Variants in NXNL2 observed in about 807,000 individuals in gnomAD.
NXNL2 encodes nucleoredoxin-like protein 2.
NXNL2 carries 7 observed loss-of-function variants against 11.1 expected under a neutral mutation model. The ratio of observed to expected loss-of-function variants is 0.63; its 90% confidence interval spans 0.36 to 1.18. The LOEUF (loss-of-function observed/expected upper bound fraction) is 1.18. Among genes scored for constraint, NXNL2 ranks in the 50% most tolerant of loss-of-function variants. NXNL2 has a pLI of 0.02. For missense variants in NXNL2, 233 were observed against 217.7 expected (o/e 1.07, Z -0.44); for synonymous variants, 109 against 101.8 (o/e 1.07, Z -0.42).
chr9:88,571,243 A>G (rs1428266443), intron 2 of NXNL2: 1 of 254,882 alleles, frequency 3.9e-6, no homozygotes, highest in Non-Finnish European at 7.7e-6. Flanking sequence ...TTTTTTTTGT[A>G]TTTTTAGTAG....
In NXNL2 at chr9:88,571,824, C is replaced by T. The variant is rs938565484; in HGVS notation, c.*16+616C>T. On this transcript the variant is annotated intron_variant, in intron 2 of 2. Coordinates refer to the NXNL2 transcript ENST00000375855. ...GACGGGGGTTCAGGCCAGTCCTCCT[C>T]AGAATTGTGCCTTGCCCATTTAACG... 7.2e-5 allele frequency among the ~76,000 whole-genome samples: 11 copies of T among 152,302 alleles called. No individual in the cohort carries two copies. In the East Asian group the frequency reaches 1.9e-3, roughly 27 times the overall value.
At chr9:88,575,080 T>C (rs777324667) in intron 2 of NXNL2, 14 of 959,744 alleles carry the variant, frequency 1.5e-5, no homozygotes, top group Non-Finnish European at 1.7e-5. Context: ...TTCTTATTCC[T>C]TTGAAGCCAT....
At chr9:88,556,138 G>A (rs1830008334) in intron 1 of NXNL2, among the ~76,000 whole-genome samples, 2 of 152,204 alleles carry the variant, frequency 1.3e-5, no homozygotes, top group African/African-American at 2.4e-5. Context: ...TCGGCCCCCA[G>A]AGGGTCACAG....
At chr9:88,543,007 C>T (rs544853392) in intron 1 of NXNL2, among the ~76,000 whole-genome samples, 23 of 152,258 alleles carry the variant, frequency 1.5e-4, no homozygotes, top group Admixed American at 3.9e-4. Context: ...GGATTTCACC[C>T]GGCTGCCCTG....
intron 1 of NXNL2, among the ~76,000 whole-genome samples, chr9:88,582,104 G>A (rs1444271419): frequency 6.6e-6 from 1 of 152,168 alleles, no homozygotes; most frequent in African/African-American, 2.4e-5. Flanking sequence ...TGAGTTGCAG[G>A]AGGTTTTGCT....
chr9:88,553,537 G>A lies in NXNL2; in HGVS notation c.303-17550G>A, dbSNP rs376287350. On this transcript the variant is annotated intron_variant, in intron 1 of 2. Transcript: ENST00000375855. ...CAGCATGTCTGGTTGAATCTGCATC[G>A]CTTTATTTTTTTCTCCTGGTGCTAC... Among the ~76,000 whole-genome samples, 106 of 152,188 alleles carry A rather than the reference G, an allele frequency of 7.0e-4. 1 individual carries two copies. The South Asian group carries it at 0.016, about 24-fold the overall frequency.
Position 88,559,526 on chromosome 9 carries a change from C to T in NXNL2, c.303-11561C>T, listed in dbSNP as rs371477504. ...CAAAGGGCTTCCTCGCTACCAAGCA[C>T]GTTCACTTGCTCGACCTCATCCCTG... On this transcript the variant is annotated intron_variant, in intron 1 of 2. Transcript: ENST00000375855. Among the ~76,000 whole-genome samples, 5 of 152,178 alleles carry T rather than the reference C, an allele frequency of 3.3e-5. No individual in the cohort carries two copies. The East Asian group carries it at 7.7e-4, about 23-fold the overall frequency.
At chr9:88,582,773 A>G (rs1348392663) in intron 1 of NXNL2, among the ~76,000 whole-genome samples, 1 of 151,994 alleles carries the variant, frequency 6.6e-6, no homozygotes, top group Non-Finnish European at 1.5e-5. Context: ...GGTTCAAGCA[A>G]TTCTTGTGCC....
intron 1 of NXNL2, 64 bp from the exon 2 acceptor site, chr9:88,544,315 G>A: frequency 2.1e-6 from 3 of 1,421,662 alleles, no homozygotes; most frequent in South Asian, 2.5e-5. Flanking sequence ...TGGAGGGAGG[G>A]GGCGTGTCCC....
rs985833666 is a variant in NXNL2 at position 88,541,058 on chromosome 9, G to A, written c.303-3321G>A. Among the ~76,000 whole-genome samples the A allele has an allele frequency of 3.6e-5, 5 of 139,650 alleles. No individual in the cohort carries two copies. The East Asian group carries it at 1.0e-3, about 29-fold the overall frequency. 91.6% of individuals were successfully genotyped at this position (139,650 alleles called of 152,430 possible). ...ACTCCTGGGTTCAAGCGATCCTCAT[G>A]CCTCAGCCTCCCAAGTAGCTGAGCC... On this transcript the variant is annotated intron_variant, in intron 1 of 1. Coordinates refer to ENST00000375854, the MANE Select transcript of NXNL2 (RefSeq NM_001161625.2).
At chr9:88,575,238 G>A (rs970765066) in exon 3 of NXNL2, 2 of 821,332 alleles carry the variant, frequency 2.4e-6, no homozygotes, top group African/African-American at 1.9e-5. Flanking sequence ...CAGCAATCCT[G>A]CTGCTGGGTA....
At chr9:88,564,266 CTGTCTATCTATCTATCTAT>C (rs1830132266) in intron 1 of NXNL2, among the ~76,000 whole-genome samples, 4 of 127,252 alleles carry the variant, frequency 3.1e-5, no homozygotes, top group South Asian at 2.8e-4. Flanking sequence ...ATCTATCTAT[CTGTCTATCTATCTATCTAT>C]TATCTATCTA....
intron 1 of NXNL2, among the ~76,000 whole-genome samples, chr9:88,540,735 G>T (rs564466283): frequency 1.8e-5 from 2 of 112,200 alleles, no homozygotes; most frequent in Non-Finnish European, 1.8e-5. Flanking sequence ...CCGGACTGCC[G>T]GGGTGGGGGC....
intron 2 of NXNL2, among the ~76,000 whole-genome samples, chr9:88,572,730 G>A (rs1830290861): frequency 6.6e-6 from 1 of 152,192 alleles, no homozygotes. Flanking sequence ...CATCCCCCAT[G>A]TCACCCTAAG....
chr9:88,549,813 G>C (rs1003266695), downstream of NXNL2, among the ~76,000 whole-genome samples: 1 of 152,170 alleles, frequency 6.6e-6, no homozygotes, highest in African/African-American at 2.4e-5. Flanking sequence ...AGCAAGAAAG[G>C]GAGGGGGAAG....
At chr9:88,535,803 C>G (rs1231909383) in intron 1 of NXNL2, 67 bp downstream of exon 1, 2 of 1,337,248 alleles carry the variant, frequency 1.5e-6, no homozygotes, top group African/African-American at 2.9e-5. Flanking sequence ...CCAGGCCTCC[C>G]CCTCTGCACT....
chr9:88,575,990 C>T (rs2037225256), downstream of NXNL2, among the ~76,000 whole-genome samples: 1 of 152,046 alleles, frequency 6.6e-6, no homozygotes, highest in Non-Finnish European at 1.5e-5. Flanking sequence ...GTCAGGAGTT[C>T]GAGATCAGCC....
chr9:88,554,862 T>C (rs1437797321), intron 1 of NXNL2, among the ~76,000 whole-genome samples: 1 of 152,240 alleles, frequency 6.6e-6, no homozygotes. Context: ...AACTTAAGCC[T>C]GGAGACTGAG....
chr9:88,571,213 G>C, intron 2 of NXNL2: 1 of 253,488 alleles, frequency 3.9e-6, no homozygotes, highest in South Asian at 3.6e-5. Flanking sequence ...CTACAGGTGC[G>C]TGCCACCATG....
Sources: gnomAD v4.1 joint callset for allele counts (sites outside exome capture counted in the v4.1 genomes callset) on GRCh38, gnomAD v4.1.1 for gene constraint, MANE v1.5 for transcripts, NCBI Gene and HGNC (gene_info 2026-07-23, HGNC 2026-07-21) for gene names.